Variants in NEU3 observed in about 807,000 individuals in gnomAD.
NEU3 encodes sialidase-3.
In NEU3, 10 loss-of-function variants were observed where a neutral mutation model predicts 11.4. That is an observed-to-expected ratio of 0.88 (90% CI 0.54 to 1.49). The LOEUF (loss-of-function observed/expected upper bound fraction) is 1.49, where lower values mean the gene tolerates loss of function less well. Among genes scored for constraint, NEU3 ranks in the 40% most tolerant of loss-of-function variants. The pLI is 0.00. For synonymous variants in NEU3, 212 were observed against 228.2 expected, an observed-to-expected ratio of 0.93 and a Z score of 0.64; for missense variants, 529 against 581.8, an observed-to-expected ratio of 0.91 and a Z score of 0.93.
At chr11:74,999,417 T>C (rs1360885664) in intron 2 of NEU3, among the ~76,000 whole-genome samples, 1 of 152,248 alleles carries the variant, frequency 6.6e-6, no homozygotes, top group Non-Finnish European at 1.5e-5. Context: ...TTTCATTCTC[T>C]GACTTATTTA....
intron 2 of NEU3, among the ~76,000 whole-genome samples, chr11:75,004,595 G>A (rs12278814): frequency 0.012 from 1,757 of 152,238 alleles, 45 homozygotes; most frequent in African/African-American, 0.04. Flanking sequence ...CAATATGTCT[G>A]ATTAGGCATT....
chr11:75,002,515 A>G (rs543907253), intron 2 of NEU3, among the ~76,000 whole-genome samples: 1 of 152,266 alleles, frequency 6.6e-6, no homozygotes, highest in Non-Finnish European at 1.5e-5. Context: ...TTCATGCAGT[A>G]GCAAAGCAAA....
At chr11:75,001,948 C>CTAGCT (rs1948848365) in intron 2 of NEU3, among the ~76,000 whole-genome samples, 1 of 152,196 alleles carries the variant, frequency 6.6e-6, no homozygotes, top group African/African-American at 2.4e-5. Context: ...CCCTGTTGAA[C>CTAGCT]TAGCTTAGTT....
Position 74,988,948 on chromosome 11 carries a change from C to T in NEU3, c.-113C>T, listed in dbSNP as rs1375791485. ...TGTTTCCGGCAGTCGACACGCTCTT[C>T]GCTTCTCGGGGCTTGTCTCCGTGTC... On this transcript the variant is annotated 5_prime_UTR_variant, in exon 1 of 3. Transcript: ENST00000294064. 1.2e-6 allele frequency: 1 copy of T among 817,572 alleles called. No individual in the cohort carries two copies. The highest frequency in any genetic ancestry group is 2.7e-5 in the Admixed American group (1 of 37,620). The allele number at this position is 817,572 out of a possible 1,614,324, so 50.6% of individuals were successfully genotyped here.
At chr11:74,994,346 CT>C (rs1195797756) in intron 1 of NEU3, among the ~76,000 whole-genome samples, 162 bp from the exon 2 acceptor site, 5 of 152,172 alleles carry the variant, frequency 3.3e-5, no homozygotes, top group African/African-American at 1.2e-4. Flanking sequence ...ATATTGCTTG[CT>C]TTGTGCTATT....
chr11:75,020,643 A>C (rs992748783), downstream of NEU3, among the ~76,000 whole-genome samples: 1 of 152,084 alleles, frequency 6.6e-6, no homozygotes, highest in Non-Finnish European at 1.5e-5. Flanking sequence ...GCCACGTGGA[A>C]CTGTAAGTCA....
upstream of NEU3, among the ~76,000 whole-genome samples, chr11:74,984,105 T>C (rs1050879914): frequency 2.6e-5 from 4 of 152,166 alleles, no homozygotes; most frequent in Admixed American, 1.3e-4. Flanking sequence ...GGCATACTTA[T>C]GGGAGAATTC....
the NEU3 span, among the ~76,000 whole-genome samples, chr11:74,981,679 A>C: frequency 6.6e-6 from 1 of 152,206 alleles, no homozygotes; most frequent in Non-Finnish European, 1.5e-5. Context: ...AAAGCATCGC[A>C]GGCTAACTTG....
At chr11:74,984,845 T>A (rs1948656363), upstream of NEU3, among the ~76,000 whole-genome samples, 1 of 152,138 alleles carries the variant, frequency 6.6e-6, no homozygotes, top group African/African-American at 2.4e-5. Flanking sequence ...AAGGAGTATT[T>A]GTTCTAGTAT....
intron 2 of NEU3, among the ~76,000 whole-genome samples, chr11:74,996,198 T>G (rs1451284750): frequency 6.6e-6 from 1 of 152,120 alleles, no homozygotes; most frequent in Non-Finnish European, 1.5e-5. Flanking sequence ...CTGAAACAGT[T>G]GACACTTCCT....
At chr11:74,985,120 T>A (rs1036132639), upstream of NEU3, among the ~76,000 whole-genome samples, 1 of 152,160 alleles carries the variant, frequency 6.6e-6, no homozygotes, top group Non-Finnish European at 1.5e-5. Context: ...TAGCTTTGGG[T>A]CTATAAAATT....
rs1042808980 is a variant in NEU3 at position 75,007,894 on chromosome 11, G to A, written c.*1402G>A. Reference sequence around the variant, plus strand: ...CTAAATATATTTGGTGTTGTACAATGACCACAGAGAACAAGTCTTAGTCAT... The same window carrying A: ...CTAAATATATTTGGTGTTGTACAATAACCACAGAGAACAAGTCTTAGTCAT... On this transcript the variant is annotated 3_prime_UTR_variant, in exon 3 of 3. Coordinates refer to ENST00000294064, the MANE Select transcript of NEU3 (RefSeq NM_006656.6). 8 of 152,090 alleles carry A rather than the reference G, an allele frequency of 5.3e-5. No homozygotes were observed. The highest frequency in any genetic ancestry group is 8.8e-5 in the Non-Finnish European group (6 of 68,014). The allele number at this position is 152,090 out of a possible 1,614,324, so 9.4% of individuals were successfully genotyped here. A position where few individuals can be genotyped will look rare whatever the true frequency, so the allele number is the denominator to read the frequency against.
At chr11:74,988,922 CTG>C, upstream of NEU3, 3 of 695,372 alleles carry the variant, frequency 4.3e-6, no homozygotes, top group Non-Finnish European at 7.3e-6. Flanking sequence ...TTGCCGTTAC[CTG>C]TTTCCGGCAG....
intron 2 of NEU3, chr11:74,995,135 G>A (rs1948776216): frequency 2.2e-6 from 1 of 464,760 alleles, no homozygotes; most frequent in Non-Finnish European, 3.8e-6. Flanking sequence ...AATCACCCAG[G>A]GAAGTAAGCA....
chr11:74,993,924 A>G (rs967189303), intron 1 of NEU3, among the ~76,000 whole-genome samples: 3 of 151,990 alleles, frequency 2.0e-5, no homozygotes, highest in Admixed American at 6.6e-5. Flanking sequence ...TAACCCTATC[A>G]TCTCTTAGAG....
intron 1 of NEU3, among the ~76,000 whole-genome samples, chr11:74,992,394 T>G (rs1044125826): frequency 1.3e-5 from 2 of 152,262 alleles, no homozygotes; most frequent in Admixed American, 1.3e-4. Flanking sequence ...GCATCTATTT[T>G]AGGGCCTGAC....
chr11:74,995,042 G>A (rs553167011), intron 2 of NEU3: 12 of 577,826 alleles, frequency 2.1e-5, no homozygotes, highest in Middle Eastern at 3.4e-4. Flanking sequence ...AAACTCAGTC[G>A]CTGACTCCAG....
rs760159058 is a variant in NEU3, at chr11:75,005,412, G to C, written c.307-1G>C. The C allele has an allele frequency of 1.2e-6, 2 of 1,601,042 alleles. No homozygotes were observed. The highest frequency in any genetic ancestry group is 2.7e-5 in the African/African-American group (2 of 74,568). On this transcript the variant is annotated splice_acceptor_variant, in intron 2 of 2. Transcript: ENST00000294064. LOFTEE classifies it high-confidence loss of function. ...CTACTTTCTCCCTTCTCCTTGTCTA[G>C]TGGGGGCCCCTGAAGCCACTGATGG...
At chr11:75,020,597 C>A (rs771234406), downstream of NEU3, among the ~76,000 whole-genome samples, 3 of 152,218 alleles carry the variant, frequency 2.0e-5, no homozygotes, top group Non-Finnish European at 4.4e-5. Flanking sequence ...TGACTTGCTC[C>A]TCCTTGTCTT....
Sources: allele counts gnomAD v4.1 joint callset (sites outside exome capture counted in the v4.1 genomes callset), GRCh38; gene constraint gnomAD v4.1.1; transcripts MANE v1.5; gene names NCBI Gene and HGNC (gene_info 2026-07-23, HGNC 2026-07-21).